The following LPP variants were observed in gnomAD, a reference collection of about 807,000 sequenced individuals.
LPP encodes the protein LIM domain containing preferred translocation partner in lipoma, also known as lipoma-preferred partner.
In LPP, 38 loss-of-function variants were observed where a neutral mutation model predicts 60.4. The ratio of observed to expected loss-of-function variants is 0.63; its 90% CI spans 0.49 to 0.83. The LOEUF (loss-of-function observed/expected upper bound fraction) is 0.83, where lower values mean the gene tolerates loss of function less well. Among genes scored for constraint, LPP ranks in the 40% least tolerant of loss-of-function variants. The probability of loss-of-function intolerance (pLI) is 0.00; values close to 1 mark genes in which losing one functional copy is unlikely to be tolerated. For synonymous variants in LPP, 328 were observed against 290.8 expected (o/e 1.13, Z -1.30); for missense variants, 902 against 783.6 (o/e 1.15, Z -1.80).
At chr3:188,461,989 C>G (rs1799060327) in intron 4 of LPP, among the ~76,000 whole-genome samples, 1 of 151,996 alleles carries the variant, frequency 6.6e-6, no homozygotes, top group East Asian at 1.9e-4. Flanking sequence ...TTGATATTTA[C>G]CAAATTTTAA....
chr3:188,279,996 G>A (rs569530040), intron 2 of LPP, among the ~76,000 whole-genome samples: 22 of 152,288 alleles, frequency 1.4e-4, no homozygotes, highest in African/African-American at 5.1e-4. Context: ...ACCCTGTGTT[G>A]TTCTCTTTGT....
At chr3:188,520,930 A>G (rs1818688902) in intron 5 of LPP, among the ~76,000 whole-genome samples, 1 of 152,182 alleles carries the variant, frequency 6.6e-6, no homozygotes, top group Non-Finnish European at 1.5e-5. Flanking sequence ...TGGTAAGTCT[A>G]TAGGATTCTG....
chr3:188,393,266 G>A (rs771295410), intron 3 of LPP, among the ~76,000 whole-genome samples: 7 of 152,014 alleles, frequency 4.6e-5, no homozygotes, highest in African/African-American at 7.2e-5. Context: ...GTTTCTGCTA[G>A]GTTTCTGCTA....
chr3:188,600,547 G>T (rs1840935412), intron 6 of LPP, among the ~76,000 whole-genome samples: 1 of 151,470 alleles, frequency 6.6e-6, no homozygotes, highest in South Asian at 2.1e-4. Context: ...ATTATATAGT[G>T]GTAAAATATA....
At chr3:188,708,506 G>A in intron 8 of LPP, 113 bp downstream of exon 8, 3 of 1,410,968 alleles carry the variant, frequency 2.1e-6, no homozygotes, top group Non-Finnish European at 3.0e-6. Context: ...CCAGATGCAT[G>A]AGAGTTGATA....
chr3:188,751,441 G>A (rs753021430), intron 8 of LPP, among the ~76,000 whole-genome samples: 5 of 152,174 alleles, frequency 3.3e-5, no homozygotes, highest in Non-Finnish European at 5.9e-5. Flanking sequence ...AAAAAATTAA[G>A]ACGGAGAATG....
Position 188,609,421 on chromosome 3 carries a change from C to G in LPP, c.690C>G (p.Pro230=). ...ATGTGCAGGTGAAGTCAGCCCAGCC[C>G]AGCCCTCATTATATGGCTGCCCCTT... is the stretch of plus-strand genomic sequence containing the variant. The part of the protein sequence containing the change: ...TFNVQVKSAQ[P]SPHYMAAPSS... The change falls in exon 7 of 12, where the codon CCC becomes CCG. Residue 230 remains proline, a synonymous_variant. Coordinates refer to ENST00000617246, the MANE Select transcript of LPP (RefSeq NM_001375462.1). The surrounding 1 kb of genome is among the most constrained non-coding windows in gnomAD (Gnocchi z 6.9). 2 of 1,614,164 alleles carry G rather than the reference C, an allele frequency of 1.2e-6. No homozygotes were observed. Among genetic ancestry groups the G allele is most frequent in the South Asian group, 1.1e-5 (1 of 91,088 alleles).
intron 2 of LPP, among the ~76,000 whole-genome samples, chr3:188,305,121 A>G (rs1751101448): frequency 6.6e-6 from 1 of 152,112 alleles, no homozygotes; most frequent in South Asian, 2.1e-4. Context: ...TGACTCTCCC[A>G]GTGGGTGATA....
chr3:188,203,511 A>ATTTTTAAATATATATAAATATATATATT (rs532663137), intron 1 of LPP, among the ~76,000 whole-genome samples: 10 of 54,272 alleles, frequency 1.8e-4, no homozygotes, highest in South Asian at 1.6e-3. Flanking sequence ...AAATATATAT[A>ATTTTTAAATATATATAAATATATATATT]TTTAAATATA....
intron 4 of LPP, among the ~76,000 whole-genome samples, chr3:188,481,405 G>C (rs2149630287): frequency 6.6e-6 from 1 of 152,180 alleles, no homozygotes; most frequent in East Asian, 1.9e-4. Flanking sequence ...TTATCACGAG[G>C]GCTTTTAAAC....
intron 7 of LPP, among the ~76,000 whole-genome samples, chr3:188,655,207 A>G (rs983767403): frequency 7.2e-5 from 11 of 152,298 alleles, no homozygotes; most frequent in African/African-American, 2.2e-4. Context: ...TCACTTGAAC[A>G]TTGATATGCA....
chr3:188,676,798 G>A (rs958013925), intron 7 of LPP, among the ~76,000 whole-genome samples: 4 of 152,164 alleles, frequency 2.6e-5, no homozygotes, highest in African/African-American at 7.2e-5. Context: ...CCCAATGAGT[G>A]TGGGAGGGAC....
chr3:188,435,215 A>T (rs181411549), intron 4 of LPP, among the ~76,000 whole-genome samples: 1 of 152,284 alleles, frequency 6.6e-6, no homozygotes, highest in East Asian at 1.9e-4. Context: ...TAATAATAGG[A>T]TGTTCCGGGT....
At chr3:188,703,634 C>A (rs1864912782) in intron 7 of LPP, among the ~76,000 whole-genome samples, 1 of 151,920 alleles carries the variant, frequency 6.6e-6, no homozygotes, top group Non-Finnish European at 1.5e-5. Flanking sequence ...AATCTTTCAT[C>A]ATAAGAAAAA....
chr3:188,275,684 C>CTT (rs11370108), intron 2 of LPP, among the ~76,000 whole-genome samples: 1 of 151,358 alleles, frequency 6.6e-6, no homozygotes, highest in Non-Finnish European at 1.5e-5. Context: ...ATTCCAGGAA[C>CTT]TTTTTTTTTC....
At chr3:188,211,634 C>G (rs1281036050) in intron 1 of LPP, among the ~76,000 whole-genome samples, 1 of 152,084 alleles carries the variant, frequency 6.6e-6, no homozygotes, top group African/African-American at 2.4e-5. Flanking sequence ...GGTTGGAATC[C>G]ATGTTACAAG....
At chr3:188,561,627 A>G (rs1476378072) in intron 6 of LPP, among the ~76,000 whole-genome samples, 1 of 152,058 alleles carries the variant, frequency 6.6e-6, no homozygotes, top group Non-Finnish European at 1.5e-5. Flanking sequence ...CATGTTTTAT[A>G]AAGCATTGAA....
chr3:188,574,948 G>A (rs779231172), intron 6 of LPP, among the ~76,000 whole-genome samples: 11 of 151,472 alleles, frequency 7.3e-5, no homozygotes, highest in Non-Finnish European at 1.2e-4. Flanking sequence ...TTACGTTTGC[G>A]GCAGATGAGT....
chr3:188,605,476 G>A (rs1336752097), intron 6 of LPP, among the ~76,000 whole-genome samples: 1 of 152,122 alleles, frequency 6.6e-6, no homozygotes, highest in Admixed American at 6.6e-5. Context: ...AATATATTGA[G>A]TCTGAAAAGC....
Sources: gnomAD v4.1 joint callset for allele counts (sites outside exome capture counted in the v4.1 genomes callset) on GRCh38, gnomAD v4.1.1 for gene constraint, Gnocchi (gnomAD v3.1) non-coding constraint, MANE v1.5 for transcripts, NCBI Gene and HGNC (gene_info 2026-07-23, HGNC 2026-07-21) for gene names.